Variants in AFF1 observed in about 807,000 individuals in gnomAD.
AFF1 encodes AF4/FMR2 family member 1.
AFF1 carries 48 observed loss-of-function variants against 121.7 expected under a neutral mutation model. That is an observed-to-expected ratio of 0.39 (90% CI 0.31 to 0.50). AFF1 has a LOEUF of 0.50. Ranked by LOEUF, AFF1 falls within the 20% of genes least tolerant of loss-of-function variation. The pLI is 0.76. For synonymous variants in AFF1, 613 were observed against 563.0 expected, an observed-to-expected ratio of 1.09 and a Z score of -1.26; for missense variants, 1,523 against 1,511.7, an observed-to-expected ratio of 1.01 and a Z score of -0.12.
chr4:86,977,824 T>C (rs1723420726), intron 2 of AFF1, among the ~76,000 whole-genome samples: 1 of 152,188 alleles, frequency 6.6e-6, no homozygotes, highest in South Asian at 2.1e-4. Context: ...CCTAACATAA[T>C]TCTGGAGAAA....
chr4:86,958,762 C>A (rs529879505), intron 2 of AFF1, among the ~76,000 whole-genome samples: 5 of 152,188 alleles, frequency 3.3e-5, no homozygotes, highest in African/African-American at 1.2e-4. Context: ...TTGTCTTCAT[C>A]TTGATCCAAG....
chr4:87,136,715 C>T lies in AFF1; in HGVS notation c.*1014C>T. The T allele has an allele frequency of 4.4e-6, 1 of 228,960 alleles. No homozygotes were observed. Among genetic ancestry groups the T allele is most frequent in the Non-Finnish European group, 8.7e-6 (1 of 115,426 alleles). 14.2% of individuals were successfully genotyped at this position (228,960 alleles called of 1,614,324 possible). Reference sequence around the variant, plus strand: ...CAGTTATGTGGTAACTCATGTTGTCCAGCCAACTCAGAGTTTCGTCAGTGA... The same window carrying T: ...CAGTTATGTGGTAACTCATGTTGTCTAGCCAACTCAGAGTTTCGTCAGTGA... On this transcript the variant is annotated 3_prime_UTR_variant, in exon 21 of 21. Coordinates refer to ENST00000395146, the MANE Select transcript of AFF1 (RefSeq NM_001166693.3).
intron 10 of AFF1, 97 bp from the exon 11 acceptor site, chr4:87,108,062 G>T (rs769908790): frequency 2.1e-5 from 29 of 1,386,386 alleles, no homozygotes; most frequent in Non-Finnish European, 2.9e-5. Context: ...CTAATACCAA[G>T]GCCCGCCCTT....
chr4:87,031,589 CT>C (rs1282180760), intron 2 of AFF1, among the ~76,000 whole-genome samples: 2 of 152,158 alleles, frequency 1.3e-5, no homozygotes, highest in Non-Finnish European at 2.9e-5. Flanking sequence ...TTCTGTGAGG[CT>C]TACAACCTTG....
At chr4:87,016,412 G>A (rs951229275) in intron 2 of AFF1, among the ~76,000 whole-genome samples, 2 of 151,808 alleles carry the variant, frequency 1.3e-5, no homozygotes, top group African/African-American at 2.4e-5. Flanking sequence ...TTAGCCAGAC[G>A]TGGTGGCGGG....
intron 20 of AFF1, among the ~76,000 whole-genome samples, chr4:87,134,947 C>G (rs1010714212): frequency 6.6e-6 from 1 of 152,214 alleles, no homozygotes; most frequent in Non-Finnish European, 1.5e-5. Flanking sequence ...CTTGCCCCTT[C>G]TGAAGCTCTG....
intron 1 of AFF1, among the ~76,000 whole-genome samples, chr4:86,944,853 C>T (rs1166194387): frequency 6.6e-6 from 1 of 152,162 alleles, no homozygotes; most frequent in Admixed American, 6.5e-5. Flanking sequence ...ATAAAACTTA[C>T]ATATATGTGT....
At chr4:86,986,778 A>G (rs1425157097) in intron 2 of AFF1, among the ~76,000 whole-genome samples, 1 of 152,074 alleles carries the variant, frequency 6.6e-6, no homozygotes, top group African/African-American at 2.4e-5. Flanking sequence ...TTAATATTAC[A>G]TTAATATTAA....
rs1233816686 is a variant in AFF1, at chr4:86,951,621, TTC to T, written c.38+3052_38+3053del. The stretch of plus-strand genomic sequence containing the variant: ...TTTTTTCTTTTTCTTTTTTCTTTTT[TTC>T]TTTTTTTTTTTTTTTTTTGAGACGG... On this transcript the variant is annotated intron_variant, in intron 2 of 20. Coordinates refer to ENST00000395146, the MANE Select transcript of AFF1 (RefSeq NM_001166693.3). 8.0e-4 allele frequency among the ~76,000 whole-genome samples: 26 copies of T among 32,598 alleles called. 1 individual carries two copies. The highest frequency in any genetic ancestry group is 2.0e-3 in the Admixed American group (4 of 2,038). 21.4% of individuals were successfully genotyped at this position (32,598 alleles called of 152,430 possible).
At chr4:87,055,222 AAAC>A (rs1719989756) in intron 4 of AFF1, among the ~76,000 whole-genome samples, 1 of 152,214 alleles carries the variant, frequency 6.6e-6, no homozygotes, top group Non-Finnish European at 1.5e-5. Flanking sequence ...GAAACACTTT[AAAC>A]TCTGAAGGAA....
At chr4:86,966,813 T>C (rs922304332) in intron 2 of AFF1, among the ~76,000 whole-genome samples, 12 of 152,152 alleles carry the variant, frequency 7.9e-5, no homozygotes, top group African/African-American at 2.9e-4. Flanking sequence ...TATGGGGAAG[T>C]TTCCCATACA....
chr4:87,071,873 G>A (rs943992448), intron 4 of AFF1, among the ~76,000 whole-genome samples: 10 of 152,128 alleles, frequency 6.6e-5, no homozygotes, highest in South Asian at 2.1e-4. Flanking sequence ...AATATTGGGG[G>A]TTATGATGTG....
intron 12 of AFF1, among the ~76,000 whole-genome samples, chr4:87,122,232 C>A (rs1352028075): frequency 6.6e-6 from 1 of 152,240 alleles, no homozygotes; most frequent in Non-Finnish European, 1.5e-5. Context: ...CTAAAACTCA[C>A]TACAGTTCAC....
rs984570754 is a variant in AFF1, at chr4:87,061,615, A to G, written c.1059+14021A>G. 1.6e-4 allele frequency among the ~76,000 whole-genome samples: 24 copies of G among 152,354 alleles called. No homozygotes were observed. The Middle Eastern group carries it at 0.01, about 65-fold the overall frequency. On this transcript the variant is annotated intron_variant, in intron 4 of 20. Coordinates refer to ENST00000395146, the MANE Select transcript of AFF1 (RefSeq NM_001166693.3). ...AAAATGGGAAGAATTGGCAACATACAGTCTTACAGCGCAATCCTGTTAGGC... is the reference window on the plus strand; with the variant it reads ...AAAATGGGAAGAATTGGCAACATACGGTCTTACAGCGCAATCCTGTTAGGC...
chr4:87,024,377 A>G (rs903429127), intron 2 of AFF1, among the ~76,000 whole-genome samples: 2 of 152,146 alleles, frequency 1.3e-5, no homozygotes, highest in Non-Finnish European at 2.9e-5. Flanking sequence ...AATTCCTCTC[A>G]GAGTGAAGAA....
intron 12 of AFF1, among the ~76,000 whole-genome samples, chr4:87,120,936 GA>G (rs1463135718): frequency 6.6e-6 from 1 of 152,166 alleles, no homozygotes; most frequent in African/African-American, 2.4e-5. Context: ...TTCCCTGACG[GA>G]AACTGACTTG....
intron 12 of AFF1, among the ~76,000 whole-genome samples, chr4:87,122,025 C>T (rs1463219234): frequency 6.6e-6 from 1 of 152,210 alleles, no homozygotes. Flanking sequence ...TAAGAAGTAG[C>T]CTTGTTAATG....
intron 2 of AFF1, among the ~76,000 whole-genome samples, chr4:87,022,557 T>TACACATATATATATATATATATATACAC: frequency 1.8e-5 from 1 of 54,842 alleles, no homozygotes; most frequent in African/African-American, 6.3e-5. Flanking sequence ...TATATATATA[T>TACACATATATATATATATATATATACAC]ATATATATAT....
chr4:87,065,126 A>C (rs190961872), intron 4 of AFF1, among the ~76,000 whole-genome samples: 26 of 152,286 alleles, frequency 1.7e-4, no homozygotes, highest in Middle Eastern at 6.8e-3. Context: ...ATAAAGACAT[A>C]CCTGAGACTG....
Sources: gnomAD v4.1 joint callset for allele counts (sites outside exome capture counted in the v4.1 genomes callset) on GRCh38, gnomAD v4.1.1 for gene constraint, MANE v1.5 for transcripts, NCBI Gene and HGNC (gene_info 2026-07-23, HGNC 2026-07-21) for gene names.